SERPINB12: variants seen among roughly 807,000 people sequenced by gnomAD.
SERPINB12 encodes the protein serpin family B member 12.
In SERPINB12, 57 loss-of-function variants were observed where a neutral mutation model predicts 41.1. The ratio of observed to expected loss-of-function variants is 1.39; its 90% CI spans 1.12 to 1.73. SERPINB12 has a LOEUF of 1.73. Among genes scored for constraint, SERPINB12 ranks in the 40% most tolerant of loss-of-function variants. The pLI, the probability that SERPINB12 is intolerant of heterozygous loss-of-function variation, is 0.00. For missense variants in SERPINB12, 536 were observed against 501.9 expected (o/e 1.07, Z -0.65); for synonymous variants, 180 against 181.3 (o/e 0.99, Z 0.06).
intron 6 of SERPINB12, 90 bp downstream of exon 6, chr18:63,564,210 G>A: frequency 7.5e-7 from 1 of 1,341,738 alleles, no homozygotes; most frequent in Non-Finnish European, 1.0e-6. Context: ...AAAAGTTACA[G>A]CTTACATTTA....
the SERPINB12 span, among the ~76,000 whole-genome samples, chr18:63,535,889 T>G: frequency 6.6e-6 from 1 of 152,088 alleles, no homozygotes; most frequent in African/African-American, 2.4e-5. Flanking sequence ...ATATATGTAT[T>G]CATGACTATT....
chr18:63,526,333 A>C, the SERPINB12 span, among the ~76,000 whole-genome samples: 1 of 151,888 alleles, frequency 6.6e-6, no homozygotes, highest in African/African-American at 2.4e-5. Flanking sequence ...TTAGAGATGG[A>C]GTCTTGCTCT....
the SERPINB12 span, among the ~76,000 whole-genome samples, chr18:63,530,912 C>T: frequency 2.0e-4 from 30 of 152,308 alleles, 1 homozygote; most frequent in African/African-American, 6.7e-4. Flanking sequence ...TTAATAAACA[C>T]CTACTGACCA....
rs1407693970 is a variant in SERPINB12, at chr18:63,568,141, G to A, written c.*1130G>A. On this transcript the variant is annotated 3_prime_UTR_variant, in exon 8 of 8. Coordinates refer to ENST00000382768, the MANE Select transcript of SERPINB12 (RefSeq NM_001307928.2). ...TGCCTGCAATCCCAGCACTTCTTGGGAGGCCGAGTCAGGTGGATCACTTGA... is the reference window on the plus strand; with the variant it reads ...TGCCTGCAATCCCAGCACTTCTTGGAAGGCCGAGTCAGGTGGATCACTTGA... 1.3e-5 allele frequency among the ~76,000 whole-genome samples: 2 copies of A among 152,236 alleles called. No individual in the cohort carries two copies. Among genetic ancestry groups the A allele is most frequent in the African/African-American group, 4.8e-5 (2 of 41,466 alleles).
the SERPINB12 span, among the ~76,000 whole-genome samples, chr18:63,519,467 C>T: frequency 1.3e-5 from 2 of 152,220 alleles, no homozygotes; most frequent in Non-Finnish European, 2.9e-5. Context: ...TACTTTGATC[C>T]TCACTTTGTT....
chr18:63,565,050 G>C (rs1327819706), intron 6 of SERPINB12, among the ~76,000 whole-genome samples: 1 of 152,048 alleles, frequency 6.6e-6, no homozygotes, highest in South Asian at 2.1e-4. Context: ...AGCCAGGTGT[G>C]GTGGTCCACG....
At chr18:63,560,104 C>T (rs952573887) in intron 4 of SERPINB12, among the ~76,000 whole-genome samples, 1 of 152,128 alleles carries the variant, frequency 6.6e-6, no homozygotes, top group African/African-American at 2.4e-5. Context: ...TCTGTGGAAT[C>T]TCCTTTTGTG....
chr18:63,549,868 G>A (rs1377350354), intron 1 of SERPINB12, among the ~76,000 whole-genome samples: 1 of 152,166 alleles, frequency 6.6e-6, no homozygotes, highest in Non-Finnish European at 1.5e-5. Flanking sequence ...GTGAGCACAA[G>A]TGTTATCTGC....
intron 1 of SERPINB12, among the ~76,000 whole-genome samples, chr18:63,554,609 G>A (rs1210789136): frequency 6.6e-6 from 1 of 151,368 alleles, no homozygotes; most frequent in Non-Finnish European, 1.5e-5. Context: ...CATTTCATTT[G>A]AAAGGCATAG....
the SERPINB12 span, among the ~76,000 whole-genome samples, chr18:63,533,953 T>C: frequency 6.6e-6 from 1 of 152,296 alleles, no homozygotes; most frequent in East Asian, 1.9e-4. Context: ...TCTTCAAGAA[T>C]GTATATCATC....
chr18:63,568,004 C>T lies in SERPINB12; in HGVS notation c.*993C>T, dbSNP rs1273796370. On this transcript the variant is annotated 3_prime_UTR_variant, in exon 8 of 8. Transcript: ENST00000382768. ...TGCCCCTCTCTCTGCCTTCTGGCCA[C>T]GTGGACTTTTGTGTCTTCCGAGAGG... Among the ~76,000 whole-genome samples, 9 of 152,158 alleles carry T rather than the reference C, an allele frequency of 5.9e-5. No homozygotes were observed. Among genetic ancestry groups the T allele is most frequent in the African/African-American group, 7.2e-5 (3 of 41,442 alleles).
At chr18:63,543,814 G>A (rs1245772268) in intron 1 of SERPINB12, among the ~76,000 whole-genome samples, 5 of 151,984 alleles carry the variant, frequency 3.3e-5, no homozygotes, top group Non-Finnish European at 7.4e-5. Flanking sequence ...ATGAGGTTTT[G>A]CCATGTTGGC....
chr18:63,519,743 A>T, the SERPINB12 span, among the ~76,000 whole-genome samples: 3 of 152,166 alleles, frequency 2.0e-5, no homozygotes, highest in Non-Finnish European at 4.4e-5. Context: ...CTCATCCCTC[A>T]TTCTAGGAGT....
At chr18:63,534,734 T>C in the SERPINB12 span, among the ~76,000 whole-genome samples, 7 of 152,214 alleles carry the variant, frequency 4.6e-5, no homozygotes, top group Non-Finnish European at 7.3e-5. Flanking sequence ...ACTTGTTTTA[T>C]GAGTTGCTTT....
At chr18:63,564,224 T>C in intron 6 of SERPINB12, 104 bp downstream of exon 6, 1 of 1,263,388 alleles carries the variant, frequency 7.9e-7, no homozygotes, top group Non-Finnish European at 1.1e-6. Context: ...ACATTTACAA[T>C]AAGAACATTT....
chr18:63,532,481 G>A, the SERPINB12 span, among the ~76,000 whole-genome samples: 3 of 152,190 alleles, frequency 2.0e-5, no homozygotes, highest in Admixed American at 6.5e-5. Context: ...TTGGGGTACA[G>A]CAAGAGAATG....
At position 63,566,609 on chromosome 18, in the gene SERPINB12, T is replaced by G; in HGVS notation, c.876T>G (p.Leu292=). 1 of 1,602,358 alleles carries G rather than the reference T, an allele frequency of 6.2e-7. No individual in the cohort carries two copies. The highest frequency in any genetic ancestry group is 8.5e-7 in the Non-Finnish European group (1 of 1,176,004). ...SKDNLKGLEE[L]ERKITYEKMV... ...ATATTATTTCCTTCCTCTTGTAGCT[T>G]GAAAGGAAAATCACCTATGAAAAAA... The change falls in exon 8 of 8, where the codon CTT becomes CTG. Residue 292 remains leucine, a splice_region_variant and synonymous_variant. Transcript: ENST00000382768.
Position 63,567,836 on chromosome 18 carries a change from C to T in SERPINB12, c.*825C>T, listed in dbSNP as rs1490288013. ...GCTAGCTCCTTTTATGCACCCAGCA[C>T]AGGCAGGTGTCAAGAGAAGTGCTGC... On this transcript the variant is annotated 3_prime_UTR_variant, in exon 8 of 8. Coordinates refer to ENST00000382768, the MANE Select transcript of SERPINB12 (RefSeq NM_001307928.2). Among the ~76,000 whole-genome samples the T allele has an allele frequency of 6.6e-6, 1 of 152,264 alleles. No homozygotes were observed. The highest frequency in any genetic ancestry group is 1.9e-4 in the East Asian group (1 of 5,196).
intron 4 of SERPINB12, 63 bp from the exon 5 acceptor site, chr18:63,561,022 C>G: frequency 9.3e-7 from 1 of 1,076,830 alleles, no homozygotes; most frequent in Non-Finnish European, 1.4e-6. Context: ...GAGTCTCACT[C>G]CTAACTACGA....
Sources: allele counts gnomAD v4.1 joint callset (sites outside exome capture counted in the v4.1 genomes callset), GRCh38; gene constraint gnomAD v4.1.1; transcripts MANE v1.5; gene names NCBI Gene and HGNC (gene_info 2026-07-23, HGNC 2026-07-21).